DDHD1: variants seen among roughly 807,000 people sequenced by gnomAD.
DDHD1 encodes phospholipase DDHD1.
A neutral mutation model predicts 96.4 loss-of-function variants in DDHD1; 49 were observed. The observed-to-expected ratio is 0.51, with a 90% CI of 0.40 to 0.64. The LOEUF is 0.64. Among genes scored for constraint, DDHD1 ranks in the 30% least tolerant of loss-of-function variants. The pLI is 0.00. For missense variants in DDHD1, 1,106 were observed against 1,161.2 expected, an observed-to-expected ratio of 0.95 and a Z score of 0.69; for synonymous variants, 442 against 446.5, an observed-to-expected ratio of 0.99 and a Z score of 0.13.
At chr14:53,081,866 A>C (rs1198739856) in intron 4 of DDHD1, among the ~76,000 whole-genome samples, 1 of 152,250 alleles carries the variant, frequency 6.6e-6, no homozygotes, top group East Asian at 1.9e-4. Flanking sequence ...AAAAAAAAGA[A>C]AAGGATGGAA....
chr14:53,065,791 T>A (rs1445590152), intron 6 of DDHD1, among the ~76,000 whole-genome samples: 1 of 152,236 alleles, frequency 6.6e-6, no homozygotes, highest in African/African-American at 2.4e-5. Context: ...CATATCTCCA[T>A]TTTAAAGTGT....
chr14:53,114,144 G>T (rs1035819114), intron 1 of DDHD1, among the ~76,000 whole-genome samples: 2 of 152,338 alleles, frequency 1.3e-5, no homozygotes, highest in East Asian at 1.9e-4. Flanking sequence ...GGGCAAAGCG[G>T]CTGTCACCAG....
At chr14:53,150,463 G>T (rs1891267650) in intron 1 of DDHD1, among the ~76,000 whole-genome samples, 1 of 152,200 alleles carries the variant, frequency 6.6e-6, no homozygotes, top group Non-Finnish European at 1.5e-5. Flanking sequence ...GTATTAATTT[G>T]CTATCACTGT....
intron 4 of DDHD1, among the ~76,000 whole-genome samples, chr14:53,083,032 G>A (rs10141285): frequency 0.032 from 4,797 of 152,096 alleles, 246 homozygotes; most frequent in African/African-American, 0.11. Context: ...GAGGGAAGAC[G>A]GGGAGAGAAA....
chr14:53,053,640 TAG>T (rs1882797886), intron 11 of DDHD1: 1 of 152,178 alleles, frequency 6.6e-6, no homozygotes, highest in Non-Finnish European at 1.5e-5. Flanking sequence ...TAAAAATTTC[TAG>T]AGAAAGAAAA....
intron 1 of DDHD1, among the ~76,000 whole-genome samples, chr14:53,131,385 C>A (rs899420718): frequency 6.6e-6 from 1 of 152,176 alleles, no homozygotes; most frequent in African/African-American, 2.4e-5. Flanking sequence ...CGCCAGTATG[C>A]CATCCCACAA....
intron 4 of DDHD1, among the ~76,000 whole-genome samples, chr14:53,089,924 G>C (rs551868008): frequency 6.6e-6 from 1 of 152,330 alleles, no homozygotes; most frequent in Non-Finnish European, 1.5e-5. Context: ...ACTACCATCA[G>C]AGTGAACAGG....
Position 53,082,444 on chromosome 14 carries a change from T to C in DDHD1, c.1290-8597A>G, listed in dbSNP as rs1359281749. ...ATGAACAGTGATCTCCAAGATACCT[T>C]TTTTTTTTTTTTTTTTTTTAAGAGA... On this transcript the variant is annotated intron_variant, in intron 4 of 12. Transcript: ENST00000673822. Among the ~76,000 whole-genome samples, 646 of 80,778 alleles carry C rather than the reference T, an allele frequency of 8.0e-3. 3 individuals carry two copies. Among genetic ancestry groups the C allele is most frequent in the African/African-American group, 0.046 (619 of 13,538 alleles). The allele number at this position is 80,778 out of a possible 152,430, so 53.0% of individuals were successfully genotyped here.
chr14:53,081,785 C>T (rs1411073558), intron 4 of DDHD1, among the ~76,000 whole-genome samples: 1 of 152,000 alleles, frequency 6.6e-6, no homozygotes. Flanking sequence ...TATCATAATT[C>T]TCAAATGATT....
Position 53,040,992 on chromosome 14 carries a change from T to C in DDHD1, c.*5776A>G, listed in dbSNP as rs116867971. 7.5e-3 allele frequency: 1,139 copies of C among 152,104 alleles called. 8 individuals are homozygous for C. The highest frequency in any genetic ancestry group is 0.02 in the Middle Eastern group (6 of 294). The allele number at this position is 152,104 out of a possible 1,614,324, so 9.4% of individuals were successfully genotyped here. A position where few individuals can be genotyped will look rare whatever the true frequency, so the allele number is the denominator to read the frequency against. ...CAGCCTTAGAACCAGAAAATGGTTA[T>C]AATTTTTTGTCATGAAGCTCAAAGG... On this transcript the variant is annotated 3_prime_UTR_variant, in exon 13 of 13. Coordinates refer to ENST00000673822, the MANE Select transcript of DDHD1 (RefSeq NM_001160148.2).
At chr14:53,103,274 A>G in intron 2 of DDHD1, 1 of 399,476 alleles carries the variant, frequency 2.5e-6, no homozygotes, top group Non-Finnish European at 4.4e-6. Flanking sequence ...GAGATACACA[A>G]AGATAATTAA....
At chr14:53,146,742 A>T (rs928903760) in intron 1 of DDHD1, among the ~76,000 whole-genome samples, 12 of 152,184 alleles carry the variant, frequency 7.9e-5, no homozygotes, top group African/African-American at 2.4e-4. Flanking sequence ...CTCAATTGTC[A>T]GTGATTCAAC....
At chr14:53,054,691 C>T (rs1595089489) in intron 10 of DDHD1, 62 bp from the exon 11 acceptor site, 1 of 1,529,048 alleles carries the variant, frequency 6.5e-7, no homozygotes, top group African/African-American at 1.4e-5. Flanking sequence ...AGCTAAAGAG[C>T]ACCACCCATA....
chr14:53,108,501 TG>T (rs1887868497), intron 1 of DDHD1, among the ~76,000 whole-genome samples: 1 of 152,150 alleles, frequency 6.6e-6, no homozygotes, highest in Admixed American at 6.5e-5. Flanking sequence ...CAAGGACCCC[TG>T]GTAACAGTGC....
chr14:53,125,237 T>G (rs1889336385), intron 1 of DDHD1, among the ~76,000 whole-genome samples: 1 of 152,222 alleles, frequency 6.6e-6, no homozygotes, highest in African/African-American at 2.4e-5. Context: ...TCTTTGCATC[T>G]CAATTTGGAG....
Position 53,044,329 on chromosome 14 carries a change from A to C in DDHD1, c.*2439T>G, listed in dbSNP as rs1276821180. 6.6e-6 allele frequency: 1 copy of C among 152,204 alleles called. No homozygotes were observed. Among genetic ancestry groups the C allele is most frequent in the Admixed American group, 6.5e-5 (1 of 15,278 alleles). 9.4% of individuals were successfully genotyped at this position (152,204 alleles called of 1,614,324 possible). A position where few individuals can be genotyped will look rare whatever the true frequency, so the allele number is the denominator to read the frequency against. ...AAATTTGACTGTTTTCTCAACATGA[A>C]AAAAAGGAAGCAGACATATTCCTAT... On this transcript the variant is annotated 3_prime_UTR_variant, in exon 13 of 13. Transcript: ENST00000673822.
chr14:53,082,470 T>C (rs1420013953), intron 4 of DDHD1, among the ~76,000 whole-genome samples: 1 of 136,410 alleles, frequency 7.3e-6, no homozygotes, highest in Non-Finnish European at 1.5e-5. Context: ...TTTTAAGAGA[T>C]GAGGTTGGCC....
Position 53,041,303 on chromosome 14 carries a change from C to T in DDHD1, c.*5465G>A, listed in dbSNP as rs1304266562. ...AAGGTAGCAGACAATACTAAGCATG[C>T]ACCCGCCCTTATACAAACACAAAGG... On this transcript the variant is annotated 3_prime_UTR_variant, in exon 13 of 13. Coordinates refer to ENST00000673822, the MANE Select transcript of DDHD1 (RefSeq NM_001160148.2). 6.6e-6 allele frequency: 1 copy of T among 152,086 alleles called. No individual in the cohort carries two copies. Among genetic ancestry groups the T allele is most frequent in the Non-Finnish European group, 1.5e-5 (1 of 68,018 alleles). The allele number at this position is 152,086 out of a possible 1,614,324, so 9.4% of individuals were successfully genotyped here. A position where few individuals can be genotyped will look rare whatever the true frequency, so the allele number is the denominator to read the frequency against.
chr14:53,074,376 C>A (rs1268854784), intron 4 of DDHD1, among the ~76,000 whole-genome samples: 1 of 151,620 alleles, frequency 6.6e-6, no homozygotes, highest in Non-Finnish European at 1.5e-5. Context: ...ATTAGTATTA[C>A]CATTCAGAAC....
Sources: gnomAD v4.1 joint callset for allele counts (sites outside exome capture counted in the v4.1 genomes callset) on GRCh38, gnomAD v4.1.1 for gene constraint, MANE v1.5 for transcripts, NCBI Gene and HGNC (gene_info 2026-07-23, HGNC 2026-07-21) for gene names.